The following AUTS2 variants were observed in gnomAD, a reference collection of about 807,000 sequenced individuals.
AUTS2 encodes the protein activator of transcription and developmental regulator AUTS2, also known as autism susceptibility gene 2 protein.
In AUTS2, 17 loss-of-function variants were observed where a neutral mutation model predicts 112.4. The observed-to-expected ratio is 0.15, with a 90% CI of 0.10 to 0.23. The LOEUF is 0.23. Among genes scored for constraint, AUTS2 ranks in the 10% least tolerant of loss-of-function variants. The probability of loss-of-function intolerance (pLI) is 1.00; values close to 1 mark genes in which losing one functional copy is unlikely to be tolerated. For missense variants in AUTS2, 1,510 were observed against 1,701.6 expected, an observed-to-expected ratio of 0.89 and a Z score of 1.98; for synonymous variants, 751 against 702.7, an observed-to-expected ratio of 1.07 and a Z score of -1.09.
At chr7:69,998,861 T>A (rs1312365895) in intron 2 of AUTS2, among the ~76,000 whole-genome samples, 1 of 152,144 alleles carries the variant, frequency 6.6e-6, no homozygotes, top group Non-Finnish European at 1.5e-5. Context: ...TAGACCTCAC[T>A]GAGAAGATGA....
chr7:70,700,860 C>T (rs1809418893), intron 6 of AUTS2, among the ~76,000 whole-genome samples: 1 of 152,190 alleles, frequency 6.6e-6, no homozygotes, highest in Admixed American at 6.5e-5. Context: ...ACATCAAGTT[C>T]AAGTTTTCCT....
At chr7:70,221,150 C>T (rs1057085792) in intron 4 of AUTS2, among the ~76,000 whole-genome samples, 3 of 152,180 alleles carry the variant, frequency 2.0e-5, no homozygotes, top group Non-Finnish European at 4.4e-5. Flanking sequence ...TCAAGCTGTC[C>T]CCCTGTCTCA....
intron 1 of AUTS2, among the ~76,000 whole-genome samples, chr7:69,881,668 T>C (rs1401258861): frequency 2.6e-5 from 4 of 152,136 alleles, no homozygotes; most frequent in East Asian, 1.9e-4. Context: ...TGCCAAACTT[T>C]CCTAAAGTTT....
chr7:70,789,754 C>G lies in AUTS2; in HGVS notation c.2538C>G (p.Ser846Arg). 6.2e-7 allele frequency: 1 copy of G among 1,609,352 alleles called. No homozygotes were observed. The highest frequency in any genetic ancestry group is 8.5e-7 in the Non-Finnish European group (1 of 1,177,138). ...SVSKDDKERE[S>R]VEKRHSSHPS... ...CTTCCCCTCTCTCCCCCAGGGAAAG[C>G]GTCGAGAAGAGACACTCCAGCCACC... Residue 846 changes from serine (S) to arginine (R), a missense_variant, in exon 19 of 19, where the codon AGC (serine) becomes AGG (arginine). Ser to Arg is a moderately radical substitution (Grantham distance 110). Coordinates refer to ENST00000342771, the MANE Select transcript of AUTS2 (RefSeq NM_015570.4).
At chr7:69,822,092 A>G (rs1791026448) in intron 1 of AUTS2, among the ~76,000 whole-genome samples, 1 of 152,138 alleles carries the variant, frequency 6.6e-6, no homozygotes, top group South Asian at 2.1e-4. Flanking sequence ...TCTAGTTTTA[A>G]TACTGTGAGG....
chr7:70,575,367 G>A (rs949464694), intron 5 of AUTS2, among the ~76,000 whole-genome samples: 1 of 152,248 alleles, frequency 6.6e-6, no homozygotes, highest in Non-Finnish European at 1.5e-5. Flanking sequence ...TGCTAATAGG[G>A]TAGGAACTAA....
chr7:69,814,082 A>G (rs1790655787), intron 1 of AUTS2, among the ~76,000 whole-genome samples: 2 of 152,162 alleles, frequency 1.3e-5, no homozygotes, highest in African/African-American at 2.4e-5. Flanking sequence ...CCATTATTCC[A>G]TTGAGGCTCT....
intron 2 of AUTS2, among the ~76,000 whole-genome samples, chr7:70,040,118 C>G (rs997854992): frequency 2.0e-5 from 3 of 152,052 alleles, no homozygotes; most frequent in African/African-American, 7.2e-5. Context: ...GGCAGTGACT[C>G]TGTATTACAG....
chr7:70,033,138 T>C (rs187796626), intron 2 of AUTS2, among the ~76,000 whole-genome samples: 5 of 152,306 alleles, frequency 3.3e-5, no homozygotes, highest in Non-Finnish European at 7.4e-5. Context: ...ACTATCTGAA[T>C]ATAATAAAAA....
intron 2 of AUTS2, among the ~76,000 whole-genome samples, chr7:70,057,052 T>C (rs1327502984): frequency 2.0e-5 from 3 of 152,300 alleles, no homozygotes; most frequent in Non-Finnish European, 2.9e-5. Context: ...ATGATTTGGA[T>C]TTTTTTCCAG....
intron 5 of AUTS2, among the ~76,000 whole-genome samples, chr7:70,469,841 G>A (rs1797311110): frequency 6.6e-6 from 1 of 152,100 alleles, no homozygotes; most frequent in South Asian, 2.1e-4. Context: ...GGTTTTGCCA[G>A]GTTGGCCAGG....
At chr7:70,741,749 T>C (rs1788125521) in intron 6 of AUTS2, among the ~76,000 whole-genome samples, 1 of 151,706 alleles carries the variant, frequency 6.6e-6, no homozygotes, top group African/African-American at 2.4e-5. Flanking sequence ...GCATCTACCT[T>C]GTAAAAAGCC....
intron 12 of AUTS2, chr7:70,775,030 C>A (rs1790598301): frequency 5.7e-6 from 2 of 353,612 alleles, no homozygotes; most frequent in Non-Finnish European, 1.0e-5. Flanking sequence ...CTCCCTCAGA[C>A]CTACCCGGTG....
At chr7:69,734,293 C>G (rs1786931310) in intron 1 of AUTS2, among the ~76,000 whole-genome samples, 1 of 151,212 alleles carries the variant, frequency 6.6e-6, no homozygotes, top group South Asian at 2.1e-4. Context: ...GAAGGGCTGC[C>G]ATTTTTCTGA....
chr7:69,943,785 TAGA>T (rs1796711178), intron 2 of AUTS2, among the ~76,000 whole-genome samples: 1 of 152,046 alleles, frequency 6.6e-6, no homozygotes, highest in Non-Finnish European at 1.5e-5. Flanking sequence ...CAAAGGGACA[TAGA>T]AGAATTTGGG....
chr7:70,412,316 T>C (rs1026842615), intron 4 of AUTS2, among the ~76,000 whole-genome samples: 1 of 152,244 alleles, frequency 6.6e-6, no homozygotes, highest in African/African-American at 2.4e-5. Context: ...TATAGTCTTA[T>C]GTTCTTATTT....
intron 1 of AUTS2, among the ~76,000 whole-genome samples, chr7:69,756,696 G>A (rs1478662705): frequency 6.6e-6 from 1 of 151,542 alleles, no homozygotes; most frequent in African/African-American, 2.4e-5. Context: ...GGGATGACTT[G>A]CTAGTAACTA....
intron 2 of AUTS2, among the ~76,000 whole-genome samples, chr7:70,062,513 A>C (rs1217593132): frequency 1.7e-5 from 1 of 58,026 alleles, no homozygotes; most frequent in Non-Finnish European, 3.4e-5. Flanking sequence ...ACTCCGTCTC[A>C]AAAAAAAAAA....
chr7:69,654,725 T>C (rs1795446153), intron 1 of AUTS2, among the ~76,000 whole-genome samples: 2 of 152,142 alleles, frequency 1.3e-5, no homozygotes, highest in East Asian at 1.9e-4. Context: ...GTTTGAGATA[T>C]CTACCCTTTT....
Sources: gnomAD v4.1 joint callset for allele counts (sites outside exome capture counted in the v4.1 genomes callset) on GRCh38, gnomAD v4.1.1 for gene constraint, MANE v1.5 for transcripts, NCBI Gene and HGNC (gene_info 2026-07-23, HGNC 2026-07-21) for gene names.